Variants in NELL1 observed in about 807,000 individuals in gnomAD.
The protein encoded by NELL1 is protein kinase C-binding protein NELL1.
A neutral mutation model predicts 107.4 loss-of-function variants in NELL1; 76 were observed. The ratio of observed to expected loss-of-function variants is 0.71; its 90% CI spans 0.59 to 0.86. NELL1 has a LOEUF of 0.86. NELL1 is among the 40% of genes least tolerant of loss of function. NELL1 has a pLI of 0.00. For missense variants in NELL1, 1,024 were observed against 1,005.5 expected (o/e 1.02, Z -0.25); for synonymous variants, 353 against 341.2 (o/e 1.03, Z -0.38).
chr11:21,415,769 T>C (rs567808111), intron 15 of NELL1, among the ~76,000 whole-genome samples: 1 of 151,352 alleles, frequency 6.6e-6, no homozygotes, highest in African/African-American at 2.4e-5. Flanking sequence ...GGGCTGGGGG[T>C]TTTCCATTCT....
chr11:21,387,958 A>T (rs1851784755), intron 15 of NELL1, among the ~76,000 whole-genome samples: 1 of 151,838 alleles, frequency 6.6e-6, no homozygotes, highest in Non-Finnish European at 1.5e-5. Context: ...TACTGTCATC[A>T]TCCTGATTTT....
chr11:21,417,847 T>G (rs1247518337), intron 15 of NELL1, among the ~76,000 whole-genome samples: 1 of 152,060 alleles, frequency 6.6e-6, no homozygotes, highest in Non-Finnish European at 1.5e-5. Context: ...CCCATGGTGT[T>G]TTCTTTGAAA....
At chr11:21,298,747 C>A (rs954866218) in intron 14 of NELL1, among the ~76,000 whole-genome samples, 2 of 151,934 alleles carry the variant, frequency 1.3e-5, no homozygotes, top group Admixed American at 1.3e-4. Context: ...AGGAAATGGT[C>A]AAAATATTTG....
chr11:21,175,947 T>C (rs1856703282), intron 13 of NELL1, among the ~76,000 whole-genome samples: 1 of 151,804 alleles, frequency 6.6e-6, no homozygotes, highest in Non-Finnish European at 1.5e-5. Context: ...GTGTTTTCCT[T>C]CATGGCAAAC....
intron 14 of NELL1, among the ~76,000 whole-genome samples, chr11:21,364,149 G>A (rs956757682): frequency 1.3e-5 from 2 of 151,970 alleles, no homozygotes; most frequent in Non-Finnish European, 2.9e-5. Context: ...GGTGGCTCAC[G>A]CCTGTAATCC....
At chr11:21,087,011 C>T (rs1331545233) in intron 12 of NELL1, among the ~76,000 whole-genome samples, 1 of 151,654 alleles carries the variant, frequency 6.6e-6, no homozygotes, top group South Asian at 2.1e-4. Flanking sequence ...GCTAATTTTT[C>T]GTATTTTTTA....
intron 12 of NELL1, among the ~76,000 whole-genome samples, chr11:21,075,728 T>A (rs1854119838): frequency 6.6e-6 from 1 of 152,202 alleles, no homozygotes; most frequent in Non-Finnish European, 1.5e-5. Context: ...CCACCAGACC[T>A]GGCCTAAGAT....
chr11:20,786,937 G>A (rs1477151896), intron 3 of NELL1, among the ~76,000 whole-genome samples: 6 of 148,920 alleles, frequency 4.0e-5, no homozygotes, highest in Admixed American at 2.0e-4. Flanking sequence ...GAACCCGGGA[G>A]GTGGAGCTTG....
intron 14 of NELL1, among the ~76,000 whole-genome samples, chr11:21,332,712 C>T (rs1850299258): frequency 6.6e-6 from 1 of 151,894 alleles, no homozygotes; most frequent in African/African-American, 2.4e-5. Flanking sequence ...TATTAGCTAA[C>T]AATATTTTCC....
intron 14 of NELL1, among the ~76,000 whole-genome samples, chr11:21,288,448 G>T (rs1849177275): frequency 6.6e-6 from 1 of 152,204 alleles, no homozygotes; most frequent in Non-Finnish European, 1.5e-5. Context: ...CAAGTTGTCT[G>T]ATTTTTCTCT....
intron 13 of NELL1, among the ~76,000 whole-genome samples, chr11:21,203,250 G>T (rs1420668074): frequency 6.6e-6 from 1 of 152,064 alleles, no homozygotes; most frequent in East Asian, 1.9e-4. Context: ...TATTGGGTGG[G>T]AGTCTAAGTC....
At chr11:21,202,223 C>G (rs1425320964) in intron 13 of NELL1, among the ~76,000 whole-genome samples, 1 of 152,150 alleles carries the variant, frequency 6.6e-6, no homozygotes, top group Admixed American at 6.5e-5. Flanking sequence ...CTTTGTACCT[C>G]TGGTAGAATT....
chr11:20,750,062 T>C (rs1856098057), intron 2 of NELL1, among the ~76,000 whole-genome samples: 1 of 152,226 alleles, frequency 6.6e-6, no homozygotes, highest in Admixed American at 6.5e-5. Context: ...CTATCATTAA[T>C]GTATAGGAGT....
chr11:21,053,308 C>A (rs1246570666), intron 12 of NELL1, among the ~76,000 whole-genome samples: 1 of 152,086 alleles, frequency 6.6e-6, no homozygotes, highest in Non-Finnish European at 1.5e-5. Flanking sequence ...GTGTGATGTT[C>A]CCTTCCCTGT....
Position 21,143,152 on chromosome 11 carries a change from G to C in NELL1, c.1426+29438G>C, listed in dbSNP as rs114980361. ...ACACCTTTACTAGTTGCCTTTTTGT[G>C]TTTGTGTTTACCATGAAAGGCAAGA... is the stretch of plus-strand genomic sequence containing the variant. On this transcript the variant is annotated intron_variant, in intron 13 of 19. Transcript: ENST00000357134. Among the ~76,000 whole-genome samples, 1,159 of 152,248 alleles carry C rather than the reference G, an allele frequency of 7.6e-3. 13 individuals carry two copies. Among genetic ancestry groups the C allele is most frequent in the African/African-American group, 0.026 (1,089 of 41,528 alleles).
At chr11:20,726,138 A>G (rs1855503059) in intron 2 of NELL1, among the ~76,000 whole-genome samples, 1 of 152,132 alleles carries the variant, frequency 6.6e-6, no homozygotes, top group South Asian at 2.1e-4. Context: ...TCCTTATCTA[A>G]TTTACCACTG....
At chr11:20,988,769 A>C (rs906158960) in intron 12 of NELL1, among the ~76,000 whole-genome samples, 4 of 150,942 alleles carry the variant, frequency 2.7e-5, no homozygotes, top group Admixed American at 2.0e-4. Context: ...TTTTATTTTT[A>C]GTAGAGATGG....
chr11:21,395,864 A>G (rs548892401), intron 15 of NELL1, among the ~76,000 whole-genome samples: 16 of 151,714 alleles, frequency 1.1e-4, no homozygotes, highest in African/African-American at 3.1e-4. Flanking sequence ...TCCAAAAAAA[A>G]TCAACCAAGT....
At chr11:21,522,761 A>G (rs150685768) in intron 15 of NELL1, among the ~76,000 whole-genome samples, 27 of 148,538 alleles carry the variant, frequency 1.8e-4, no homozygotes, top group Middle Eastern at 3.7e-3. Context: ...TTCTTGGCCA[A>G]TTCATTCTTT....
Sources: allele counts gnomAD v4.1 joint callset (sites outside exome capture counted in the v4.1 genomes callset), GRCh38; gene constraint gnomAD v4.1.1; transcripts MANE v1.5; gene names NCBI Gene and HGNC (gene_info 2026-07-23, HGNC 2026-07-21).